Variants in NBEAL1 observed in about 807,000 individuals in gnomAD.
NBEAL1 encodes neurobeachin-like protein 1.
Under a neutral mutation model 351.3 loss-of-function variants are expected in NBEAL1, and 273 were observed. The observed-to-expected ratio is 0.78, with a 90% CI of 0.70 to 0.86. The LOEUF (loss-of-function observed/expected upper bound fraction) is 0.86. Ranked by LOEUF, NBEAL1 falls within the 40% of genes least tolerant of loss-of-function variation. NBEAL1 has a pLI of 0.00. For synonymous variants in NBEAL1, 1,050 were observed against 1,086.4 expected (o/e 0.97, Z 0.66); for missense variants, 2,961 against 3,201.3 (o/e 0.92, Z 1.81).
chr2:203,057,034 A>T (rs772926366), intron 5 of NBEAL1, among the ~76,000 whole-genome samples: 8 of 152,218 alleles, frequency 5.3e-5, no homozygotes, highest in African/African-American at 9.6e-5. Flanking sequence ...TAATTTAAAA[A>T]TTTAAGTGTT....
rs114425776 is a variant in NBEAL1, at chr2:203,109,078, C to T, written c.1949+890C>T. Among the ~76,000 whole-genome samples, 328 of 152,210 alleles carry T rather than the reference C, an allele frequency of 2.2e-3. 1 individual carries two copies. Among genetic ancestry groups the T allele is most frequent in the African/African-American group, 7.2e-3 (298 of 41,540 alleles). On this transcript the variant is annotated intron_variant, in intron 14 of 55. Transcript: ENST00000683969. ...AAACACTATGAAAATGAATAATGGCCGGGTGTGGTGGCTTACGCCTGTAAT... is the reference window on the plus strand; with the variant it reads ...AAACACTATGAAAATGAATAATGGCTGGGTGTGGTGGCTTACGCCTGTAAT...
intron 15 of NBEAL1, 86 bp from the exon 16 acceptor site, chr2:203,111,885 TTTGTACAA>T: frequency 1.5e-6 from 2 of 1,347,600 alleles, no homozygotes; most frequent in Admixed American, 5.8e-5. Context: ...CGTTCTACTA[TTTGTACAA>T]ATTATAGAGC....
chr2:203,110,256 G>T lies in NBEAL1; in HGVS notation c.2056G>T (p.Asp686Tyr). Residue 686 changes from aspartate to tyrosine, a missense_variant, in exon 15 of 56, where the codon GAC (aspartate) becomes TAC (tyrosine). By Grantham distance (160) the Asp-to-Tyr change is radical (BLOSUM62 -3). Coordinates refer to ENST00000683969, the MANE Select transcript of NBEAL1 (RefSeq NM_001378026.1). ...AGAATATGCAACGGTTATGCTTCCT[G>T]ACCACAGTTTCTGTGATTCCCTCTG... Reference protein sequence around the residue: ...KREYATVMLPDHSFCDSLWHN... With the variant: ...KREYATVMLPYHSFCDSLWHN... The T allele has an allele frequency of 6.4e-7, 1 of 1,552,490 alleles. No homozygotes were observed. Among genetic ancestry groups the T allele is most frequent in the South Asian group, 1.2e-5 (1 of 84,042 alleles).
chr2:203,032,489 C>T (rs2060965462), intron 2 of NBEAL1, among the ~76,000 whole-genome samples: 1 of 151,524 alleles, frequency 6.6e-6, no homozygotes, highest in South Asian at 2.1e-4. Context: ...AACCCCGTCT[C>T]TACTAAAAAT....
At chr2:203,106,226 T>C (rs2062434711) in intron 12 of NBEAL1, among the ~76,000 whole-genome samples, 1 of 152,220 alleles carries the variant, frequency 6.6e-6, no homozygotes, top group Non-Finnish European at 1.5e-5. Flanking sequence ...ACTTTTATTA[T>C]TACTTTACAC....
chr2:203,041,011 G>A (rs1226991774), intron 2 of NBEAL1: 8 of 234,092 alleles, frequency 3.4e-5, no homozygotes, highest in Admixed American at 9.7e-5. Context: ...TTCAAAAATC[G>A]GAAAGGAAGG....
chr2:203,132,987 A>G (rs2063107817), intron 26 of NBEAL1, 71 bp from the exon 27 acceptor site: 5 of 650,806 alleles, frequency 7.7e-6, no homozygotes, highest in Non-Finnish European at 1.3e-5. Flanking sequence ...ATTTTATACA[A>G]GTATTATCCA....
chr2:203,125,920 T>C, intron 20 of NBEAL1, 40 bp from the exon 21 acceptor site: 1 of 1,455,678 alleles, frequency 6.9e-7, no homozygotes, highest in Non-Finnish European at 9.1e-7. Context: ...TAAAAGTGAT[T>C]AGAGAAATTA....
intron 39 of NBEAL1, 97 bp downstream of exon 39, chr2:203,169,948 T>G (rs1186628323): frequency 1.3e-6 from 1 of 749,212 alleles, no homozygotes; most frequent in Non-Finnish European, 2.3e-6. Context: ...ACAACTGCTG[T>G]TCTTCCATTC....
intron 10 of NBEAL1, among the ~76,000 whole-genome samples, chr2:203,086,576 C>T (rs377736430): frequency 5.3e-5 from 8 of 152,316 alleles, no homozygotes; most frequent in African/African-American, 1.9e-4. Context: ...CTTAAATCAC[C>T]CAGGCTGGAG....
intron 18 of NBEAL1, among the ~76,000 whole-genome samples, chr2:203,116,982 G>C (rs1386289959): frequency 1.3e-5 from 2 of 152,012 alleles, no homozygotes; most frequent in African/African-American, 4.8e-5. Context: ...GGCACCTGTA[G>C]TTCCAGCTAC....
intron 6 of NBEAL1, among the ~76,000 whole-genome samples, chr2:203,066,315 ATT>A (rs1422564972): frequency 2.1e-5 from 3 of 143,526 alleles, no homozygotes; most frequent in African/African-American, 7.8e-5. Flanking sequence ...GCTAAATTAA[ATT>A]TTATCCTTTT....
At position 203,108,207 on chromosome 2, in the gene NBEAL1, G is replaced by A. The variant is rs1326452016; in HGVS notation, c.1949+19G>A. 2 of 1,460,684 alleles carry A rather than the reference G, an allele frequency of 1.4e-6. No homozygotes were observed. The highest frequency in any genetic ancestry group is 1.3e-5 in the South Asian group (1 of 78,364). 90.5% of individuals were successfully genotyped at this position (1,460,684 alleles called of 1,614,324 possible). On this transcript the variant is annotated intron_variant, in intron 14 of 55. Coordinates refer to ENST00000683969, the MANE Select transcript of NBEAL1 (RefSeq NM_001378026.1). ...TGTACAGGTATTGGTAAAAATTATGGAATATAAATGAATACTGTCATAACA... is the reference window on the plus strand; with the variant it reads ...TGTACAGGTATTGGTAAAAATTATGAAATATAAATGAATACTGTCATAACA...
chr2:203,145,423 T>G (rs1250561042), intron 33 of NBEAL1, among the ~76,000 whole-genome samples: 1 of 152,152 alleles, frequency 6.6e-6, no homozygotes, highest in African/African-American at 2.4e-5. Context: ...ATACATACCA[T>G]CACTTAGAGG....
At chr2:203,106,772 T>G (rs1298044105) in intron 12 of NBEAL1, among the ~76,000 whole-genome samples, 2 of 152,204 alleles carry the variant, frequency 1.3e-5, no homozygotes, top group African/African-American at 4.8e-5. Context: ...GTGTATATAT[T>G]TCAACCTAAG....
chr2:203,132,188 T>A (rs1374794880), intron 26 of NBEAL1, 56 bp downstream of exon 26: 14 of 1,147,388 alleles, frequency 1.2e-5, no homozygotes, highest in African/African-American at 4.8e-5. Context: ...TCCTGTAAGT[T>A]TTTTTCATAC....
At chr2:203,207,963 C>T (rs1251525574) in intron 51 of NBEAL1, among the ~76,000 whole-genome samples, 1 of 152,032 alleles carries the variant, frequency 6.6e-6, no homozygotes, top group East Asian at 1.9e-4. Context: ...AATTGATGTC[C>T]CTGAAGCAGC....
chr2:203,136,017 A>C lies in NBEAL1; in HGVS notation c.4154A>C (p.Lys1385Thr), dbSNP rs1420889873. The change falls in exon 28 of 56, where the codon AAA (lysine) becomes ACA (threonine). Residue 1385 changes from lysine to threonine, a missense_variant. Lys to Thr is a moderately conservative substitution (Grantham distance 78). Coordinates refer to ENST00000683969, the MANE Select transcript of NBEAL1 (RefSeq NM_001378026.1). ...EDSSVGELSF[K>T]SENQEEFWHS... ...AGCTCTGTGGGAGAATTGTCTTTCA[A>C]ATCAGAGAATCAAGAGGAATTCTGG... The C allele has an allele frequency of 1.9e-6, 3 of 1,613,626 alleles. No individual in the cohort carries two copies. In the East Asian group the frequency reaches 6.7e-5, roughly 36 times the overall value.
At chr2:203,212,679 A>G (rs559218059) in intron 54 of NBEAL1, among the ~76,000 whole-genome samples, 1 of 152,230 alleles carries the variant, frequency 6.6e-6, no homozygotes, top group East Asian at 1.9e-4. Flanking sequence ...TTAAGAGCTA[A>G]ATTATATGAT....
Sources: gnomAD v4.1 joint callset for allele counts (sites outside exome capture counted in the v4.1 genomes callset) on GRCh38, gnomAD v4.1.1 for gene constraint, MANE v1.5 for transcripts, NCBI Gene and HGNC (gene_info 2026-07-23, HGNC 2026-07-21) for gene names.